The following STK32B variants were observed in gnomAD, a reference collection of about 807,000 sequenced individuals.
The protein encoded by STK32B is serine/threonine kinase 32B.
A neutral mutation model predicts 52.6 loss-of-function variants in STK32B; 43 were observed. The observed-to-expected ratio is 0.82, with a 90% CI of 0.64 to 1.05. STK32B has a LOEUF of 1.05. Among genes scored for constraint, STK32B ranks in the 50% least tolerant of loss-of-function variants. STK32B has a pLI of 0.00. For missense variants in STK32B, 621 were observed against 534.6 expected (o/e 1.16, Z -1.59); for synonymous variants, 238 against 204.3 (o/e 1.17, Z -1.41).
intron 1 of STK32B, among the ~76,000 whole-genome samples, chr4:5,127,792 C>CACGTGTCGTGGGAATT (rs1475362417): frequency 1.3e-5 from 2 of 152,180 alleles, no homozygotes. Context: ...TTATAGCTCC[C>CACGTGTCGTGGGAATT]ATACTTCCCA....
chr4:5,227,613 G>A (rs1434278643), intron 3 of STK32B, among the ~76,000 whole-genome samples: 1 of 152,126 alleles, frequency 6.6e-6, no homozygotes, highest in East Asian at 1.9e-4. Flanking sequence ...TTCCTATTCA[G>A]GTTTGCAGGT....
intron 11 of STK32B, among the ~76,000 whole-genome samples, chr4:5,471,448 T>C (rs1260352235): frequency 2.0e-5 from 3 of 152,016 alleles, no homozygotes; most frequent in Non-Finnish European, 2.9e-5. Flanking sequence ...CATCCAGCGC[T>C]GGGAGGAAGG....
chr4:5,081,513 A>T (rs908700606), intron 1 of STK32B, among the ~76,000 whole-genome samples: 2 of 151,828 alleles, frequency 1.3e-5, no homozygotes, highest in African/African-American at 2.4e-5. Context: ...TAGTCCATCT[A>T]TTATTTCTGT....
At chr4:5,164,878 G>GT (rs1341229362) in intron 2 of STK32B, among the ~76,000 whole-genome samples, 1 of 152,144 alleles carries the variant, frequency 6.6e-6, no homozygotes, top group African/African-American at 2.4e-5. Flanking sequence ...TTAGCTCTTT[G>GT]TTTTTTGTTT....
Position 5,330,065 on chromosome 4 carries a change from G to C in STK32B, c.261-1155G>C, listed in dbSNP as rs545861259. 2.0e-5 allele frequency among the ~76,000 whole-genome samples: 3 copies of C among 152,300 alleles called. No individual in the cohort carries two copies. The South Asian group carries it at 6.2e-4, about 32-fold the overall frequency. On this transcript the variant is annotated intron_variant, in intron 3 of 11. Coordinates refer to ENST00000282908, the MANE Select transcript of STK32B (RefSeq NM_018401.3). Reference sequence around the variant, plus strand: ...GTCATCAGGACACTGCAGCGAGTGAGAGTCAGGGGATTTGGGTTCTTGTCC... The same window carrying C: ...GTCATCAGGACACTGCAGCGAGTGACAGTCAGGGGATTTGGGTTCTTGTCC...
chr4:5,150,691 CCTCTTGGATA>C (rs1442179947), intron 2 of STK32B, among the ~76,000 whole-genome samples: 4 of 151,768 alleles, frequency 2.6e-5, no homozygotes, highest in Non-Finnish European at 4.4e-5. Context: ...TTGGATTTCT[CCTCTTGGATA>C]CTCTTGGAGT....
chr4:5,218,540 C>T (rs1395267988), intron 3 of STK32B, among the ~76,000 whole-genome samples: 2 of 152,140 alleles, frequency 1.3e-5, no homozygotes, highest in Non-Finnish European at 2.9e-5. Context: ...AGGGGGAGGA[C>T]ATGGCTCCGG....
At chr4:5,473,880 C>T (rs57959143) in intron 11 of STK32B, among the ~76,000 whole-genome samples, 2,256 of 152,016 alleles carry the variant, frequency 0.015, 51 homozygotes, top group African/African-American at 0.051. Flanking sequence ...TTTGGGAGGC[C>T]GAGGCAGGTG....
At chr4:5,095,587 C>A (rs560074335) in intron 1 of STK32B, among the ~76,000 whole-genome samples, 1 of 152,314 alleles carries the variant, frequency 6.6e-6, no homozygotes, top group South Asian at 2.1e-4. Context: ...TGCACTCCAA[C>A]CTGGGTGACA....
intron 6 of STK32B, among the ~76,000 whole-genome samples, chr4:5,428,437 A>G (rs1713281973): frequency 6.6e-6 from 1 of 150,904 alleles, no homozygotes; most frequent in African/African-American, 2.4e-5. Flanking sequence ...ACAAAAAAAC[A>G]TTTTTCTGAC....
chr4:5,429,693 G>C (rs552122808), intron 6 of STK32B, among the ~76,000 whole-genome samples: 1 of 151,852 alleles, frequency 6.6e-6, no homozygotes, highest in East Asian at 1.9e-4. Flanking sequence ...CAATTTTCTA[G>C]CTGTTATTAT....
chr4:5,200,466 G>A (rs769426661), intron 3 of STK32B, among the ~76,000 whole-genome samples: 3 of 152,046 alleles, frequency 2.0e-5, no homozygotes, highest in East Asian at 1.9e-4. Context: ...CCAGGGAGTC[G>A]TGGCTCCCAG....
At chr4:5,424,806 C>T (rs961414737) in intron 6 of STK32B, among the ~76,000 whole-genome samples, 2 of 152,094 alleles carry the variant, frequency 1.3e-5, no homozygotes, top group Non-Finnish European at 2.9e-5. Context: ...CTGCTCACCA[C>T]GTTGTGAACA....
Position 5,384,898 on chromosome 4 carries a change from C to T in STK32B, c.435-13309C>T, listed in dbSNP as rs145932392. Among the ~76,000 whole-genome samples, 1,202 of 152,144 alleles carry T rather than the reference C, an allele frequency of 7.9e-3. 9 individuals are homozygous for T. The highest frequency in any genetic ancestry group is 0.013 in the Non-Finnish European group (903 of 67,996). ...GTGAGTGGCGGAGGCAGGTGGAGATCGAGATCCTAGGAGAAAGAGGAGTCA... is the reference window on the plus strand; with the variant it reads ...GTGAGTGGCGGAGGCAGGTGGAGATTGAGATCCTAGGAGAAAGAGGAGTCA... On this transcript the variant is annotated intron_variant, in intron 4 of 11. Transcript: ENST00000282908.
intron 1 of STK32B, among the ~76,000 whole-genome samples, chr4:5,099,569 AT>A (rs879395841): frequency 6.6e-5 from 10 of 152,192 alleles, no homozygotes; most frequent in Non-Finnish European, 1.5e-5. Context: ...ATTGCTTCAA[AT>A]TTTCAGTGGT....
At chr4:5,296,645 A>C (rs1729221329) in intron 3 of STK32B, among the ~76,000 whole-genome samples, 1 of 151,810 alleles carries the variant, frequency 6.6e-6, no homozygotes, top group Non-Finnish European at 1.5e-5. Context: ...TTTATTTTGA[A>C]TCTATATGTG....
At chr4:5,236,070 C>G (rs1724612579) in intron 3 of STK32B, among the ~76,000 whole-genome samples, 1 of 152,188 alleles carries the variant, frequency 6.6e-6, no homozygotes, top group Non-Finnish European at 1.5e-5. Context: ...CTGGGAGCAT[C>G]TGGACTCTTA....
chr4:5,200,651 G>C (rs556692425), intron 3 of STK32B, among the ~76,000 whole-genome samples: 1 of 152,230 alleles, frequency 6.6e-6, no homozygotes, highest in South Asian at 2.1e-4. Flanking sequence ...TAGGCTCAAG[G>C]CCAAAATGGA....
intron 4 of STK32B, among the ~76,000 whole-genome samples, chr4:5,391,115 C>T (rs1219704739): frequency 1.3e-5 from 2 of 151,984 alleles, no homozygotes; most frequent in African/African-American, 4.8e-5. Context: ...CCCGCCACCA[C>T]ACCTGGCTAA....
Sources: allele counts gnomAD v4.1 joint callset (sites outside exome capture counted in the v4.1 genomes callset), GRCh38; gene constraint gnomAD v4.1.1; transcripts MANE v1.5; gene names NCBI Gene and HGNC (gene_info 2026-07-23, HGNC 2026-07-21).